Variants in TMEM132C observed in about 807,000 individuals in gnomAD.
TMEM132C encodes the protein transmembrane protein 132C, also known as protein phosphatase 1, regulatory subunit 152.
Under a neutral mutation model 61.4 loss-of-function variants are expected in TMEM132C, and 29 were observed. The ratio of observed to expected loss-of-function variants is 0.47; its 90% CI spans 0.35 to 0.64. The LOEUF (loss-of-function observed/expected upper bound fraction) is 0.64, where lower values mean the gene tolerates loss of function less well. TMEM132C is among the 30% of genes least tolerant of loss of function. The probability of loss-of-function intolerance (pLI) is 0.00; values close to 1 mark genes in which losing one functional copy is unlikely to be tolerated. For missense variants in TMEM132C, 1,408 were observed against 1,476.9 expected, an observed-to-expected ratio of 0.95 and a Z score of 0.76; for synonymous variants, 656 against 633.1, an observed-to-expected ratio of 1.04 and a Z score of -0.54.
intron 2 of TMEM132C, among the ~76,000 whole-genome samples, chr12:128,500,528 C>T (rs1187898538): frequency 5.9e-5 from 9 of 151,820 alleles, no homozygotes; most frequent in African/African-American, 1.9e-4. Context: ...TTAAAATGAG[C>T]AACAGATATG....
At position 128,528,974 on chromosome 12, in the gene TMEM132C, T is replaced by G. The variant is rs570198185; in HGVS notation, c.975-14983T>G. 2.0e-3 allele frequency among the ~76,000 whole-genome samples: 302 copies of G among 152,334 alleles called. 2 individuals carry two copies. The highest frequency in any genetic ancestry group is 7.1e-3 in the African/African-American group (295 of 41,580). On this transcript the variant is annotated intron_variant, in intron 2 of 8. Transcript: ENST00000435159. ...TTAGTTCCAAGGCTAAAAATTCACT[T>G]TGCCTTTTGGCCCTTTCCAGAATGG...
In TMEM132C at chr12:128,278,992, C is replaced by A. The variant is rs975731054; in HGVS notation, c.85+11505C>A. ...TTGGGTCTCCAGCCTGCCAGCCCACCCTACAGATTTTGGACTTGCCAGACT... is the reference window on the plus strand; with the variant it reads ...TTGGGTCTCCAGCCTGCCAGCCCACACTACAGATTTTGGACTTGCCAGACT... On this transcript the variant is annotated intron_variant, in intron 1 of 8. Transcript: ENST00000435159. This position sits in a 1 kb window ranked among gnomAD's most constrained non-coding sequence, Gnocchi z 4.2. Among the ~76,000 whole-genome samples, 1 of 152,088 alleles carries A rather than the reference C, an allele frequency of 6.6e-6. No homozygotes were observed. The highest frequency in any genetic ancestry group is 2.4e-5 in the African/African-American group (1 of 41,412).
intron 1 of TMEM132C, among the ~76,000 whole-genome samples, chr12:128,277,335 T>C (rs1566039354): frequency 1.3e-5 from 2 of 152,232 alleles, no homozygotes; most frequent in African/African-American, 4.8e-5. Flanking sequence ...TTGGCTGCTC[T>C]GTCCTCTTTG....
chr12:128,610,612 A>G (rs777738805), intron 3 of TMEM132C, among the ~76,000 whole-genome samples: 84 of 152,152 alleles, frequency 5.5e-4, no homozygotes, highest in Non-Finnish European at 9.6e-4. Context: ...TCCTCTCTTT[A>G]TTACTCCAAC....
At chr12:128,432,005 G>T (rs10773542) in intron 2 of TMEM132C, among the ~76,000 whole-genome samples, 77,067 of 151,946 alleles carry the variant, frequency 0.51, 19,830 homozygotes, top group South Asian at 0.62. Flanking sequence ...TGTCTGTGTC[G>T]ATAAATGGAA....
At chr12:128,641,328 G>T (rs7132807) in intron 4 of TMEM132C, among the ~76,000 whole-genome samples, 3 of 152,170 alleles carry the variant, frequency 2.0e-5, no homozygotes, top group African/African-American at 7.2e-5. Flanking sequence ...GGGTTGGGTT[G>T]TGTCCCTCAA....
intron 1 of TMEM132C, among the ~76,000 whole-genome samples, chr12:128,359,440 G>A (rs1018491926): frequency 3.9e-5 from 6 of 152,128 alleles, no homozygotes; most frequent in Non-Finnish European, 5.9e-5. Context: ...TCTCCACCTG[G>A]CCCCACCCTT....
chr12:128,489,316 G>A (rs550343053), intron 2 of TMEM132C, among the ~76,000 whole-genome samples: 7 of 151,508 alleles, frequency 4.6e-5, no homozygotes, highest in Admixed American at 1.3e-4. Context: ...CTTTCTTCTT[G>A]CCCACCATGC....
chr12:128,428,808 C>T (rs1869285194), intron 2 of TMEM132C, among the ~76,000 whole-genome samples: 1 of 152,170 alleles, frequency 6.6e-6, no homozygotes, highest in Non-Finnish European at 1.5e-5. Flanking sequence ...GGTTCCCCAG[C>T]CTTTCTGTGC....
intron 2 of TMEM132C, among the ~76,000 whole-genome samples, chr12:128,489,868 C>T (rs1871651955): frequency 6.6e-6 from 1 of 151,962 alleles, no homozygotes; most frequent in Admixed American, 6.6e-5. Flanking sequence ...CATTTTTTTA[C>T]AACATCCTGA....
chr12:128,656,299 C>T (rs1954324994), intron 4 of TMEM132C, among the ~76,000 whole-genome samples: 1 of 152,196 alleles, frequency 6.6e-6, no homozygotes, highest in South Asian at 2.1e-4. Flanking sequence ...GATCTGTCCA[C>T]CTCGGCCTCC....
chr12:128,369,417 A>G, intron 1 of TMEM132C, among the ~76,000 whole-genome samples: 1 of 152,222 alleles, frequency 6.6e-6, no homozygotes, highest in East Asian at 1.9e-4. Context: ...ATTGATGCCA[A>G]ATCAGAGGAA....
chr12:128,392,669 A>G (rs879707391), intron 1 of TMEM132C, among the ~76,000 whole-genome samples: 35 of 152,290 alleles, frequency 2.3e-4, no homozygotes, highest in African/African-American at 6.7e-4. Flanking sequence ...TTTCTTATAC[A>G]AAAGGATATT....
At chr12:128,304,608 C>CA (rs556740885) in intron 1 of TMEM132C, among the ~76,000 whole-genome samples, 1,817 of 132,568 alleles carry the variant, frequency 0.014, 20 homozygotes, top group Middle Eastern at 0.053. Flanking sequence ...GCCTCCGTCT[C>CA]AAAAAAAAGA....
At chr12:128,604,745 G>A (rs1256679618) in intron 3 of TMEM132C, among the ~76,000 whole-genome samples, 2 of 152,054 alleles carry the variant, frequency 1.3e-5, no homozygotes, top group Non-Finnish European at 2.9e-5. Flanking sequence ...ATAATGGATG[G>A]AGGGATAGAT....
intron 4 of TMEM132C, among the ~76,000 whole-genome samples, chr12:128,659,168 T>C (rs1296256368): frequency 1.3e-5 from 2 of 152,242 alleles, no homozygotes; most frequent in Admixed American, 6.5e-5. Context: ...CATATTGTTT[T>C]TCTTTTCTTT....
intron 2 of TMEM132C, among the ~76,000 whole-genome samples, chr12:128,457,299 C>A (rs1392252255): frequency 6.9e-6 from 1 of 144,182 alleles, no homozygotes; most frequent in Non-Finnish European, 1.5e-5. Context: ...TGAGATTCTC[C>A]ATCTGTAAAA....
In TMEM132C at chr12:128,607,410, C is replaced by T. The variant is rs183422067; in HGVS notation, c.1122-8742C>T. ...GTTTAGGCCGGAGAAATCTCTGGCCCGAGTCACATCTCAGCAGAATTATTC... is the reference window on the plus strand; with the variant it reads ...GTTTAGGCCGGAGAAATCTCTGGCCTGAGTCACATCTCAGCAGAATTATTC... On this transcript the variant is annotated intron_variant, in intron 3 of 8. Transcript: ENST00000435159. 3.9e-3 allele frequency among the ~76,000 whole-genome samples: 593 copies of T among 152,110 alleles called. 2 individuals are homozygous for T. The highest frequency in any genetic ancestry group is 6.8e-3 in the Middle Eastern group (2 of 294).
intron 1 of TMEM132C, among the ~76,000 whole-genome samples, chr12:128,323,779 C>T (rs530092563): frequency 6.6e-6 from 1 of 152,326 alleles, no homozygotes; most frequent in Non-Finnish European, 1.5e-5. Context: ...TGCGTATGCT[C>T]AGCTGCGCTC....
Sources: allele counts gnomAD v4.1 joint callset (sites outside exome capture counted in the v4.1 genomes callset), GRCh38; gene constraint gnomAD v4.1.1; non-coding constraint Gnocchi (gnomAD v3.1); transcripts MANE v1.5; gene names NCBI Gene and HGNC (gene_info 2026-07-23, HGNC 2026-07-21).